Variants in EPC2 observed in about 807,000 individuals in gnomAD.
The protein encoded by EPC2 is enhancer of polycomb 2.
A neutral mutation model predicts 92.1 loss-of-function variants in EPC2; 14 were observed. That is an observed-to-expected ratio of 0.15 (90% CI 0.10 to 0.24). The LOEUF (loss-of-function observed/expected upper bound fraction) is 0.24, where lower values mean the gene tolerates loss of function less well. Among genes scored for constraint, EPC2 ranks in the 10% least tolerant of loss-of-function variants. EPC2 has a pLI of 1.00. For synonymous variants in EPC2, 340 were observed against 334.7 expected (o/e 1.02, Z -0.17); for missense variants, 755 against 971.5 (o/e 0.78, Z 2.96).
intron 3 of EPC2, among the ~76,000 whole-genome samples, chr2:148,749,456 T>G (rs1683045915): frequency 6.6e-6 from 1 of 151,818 alleles, no homozygotes; most frequent in Non-Finnish European, 1.5e-5. Flanking sequence ...CGCCTAAAAC[T>G]CAATATAATA....
rs1681555720 is a variant in EPC2, at chr2:148,687,698, TG to T, written c.154-2513del. Reference sequence around the variant, plus strand: ...GGATCTGACAAAACGATGCTGCTTGTGGGAGTCCCAATAGCTGCCCTGGCTT... The same window carrying T: ...GGATCTGACAAAACGATGCTGCTTGTGGAGTCCCAATAGCTGCCCTGGCTT... On this transcript the variant is annotated intron_variant, in intron 1 of 13. Coordinates refer to ENST00000258484, the MANE Select transcript of EPC2 (RefSeq NM_015630.4). Among the ~76,000 whole-genome samples the T allele has an allele frequency of 2.0e-5, 3 of 152,210 alleles. No homozygotes were observed. In the South Asian group the frequency reaches 6.2e-4, roughly 32 times the overall value.
chr2:148,738,179 G>A (rs971463696), intron 2 of EPC2, among the ~76,000 whole-genome samples: 3 of 152,196 alleles, frequency 2.0e-5, no homozygotes. Flanking sequence ...ATGGGATTTT[G>A]AGATAAGTAT....
intron 1 of EPC2, among the ~76,000 whole-genome samples, chr2:148,683,272 ATT>A (rs201642199): frequency 7.1e-6 from 1 of 139,874 alleles, no homozygotes; most frequent in Non-Finnish European, 1.6e-5. Context: ...CCATTATATC[ATT>A]TTTTTTTTTT....
chr2:148,708,231 C>T (rs1327809013), intron 2 of EPC2, among the ~76,000 whole-genome samples: 5 of 152,168 alleles, frequency 3.3e-5, no homozygotes, highest in African/African-American at 1.2e-4. Flanking sequence ...CACAAATAAA[C>T]TAGAAAATCT....
intron 4 of EPC2, among the ~76,000 whole-genome samples, chr2:148,756,815 T>G (rs1439829444): frequency 6.6e-6 from 1 of 152,222 alleles, no homozygotes; most frequent in African/African-American, 2.4e-5. Flanking sequence ...TTCTAGCTGC[T>G]CTACATAACA....
intron 1 of EPC2, among the ~76,000 whole-genome samples, chr2:148,685,426 T>C (rs1558808928): frequency 6.6e-6 from 1 of 152,196 alleles, no homozygotes; most frequent in Admixed American, 6.5e-5. Context: ...TAACACTAAA[T>C]AAAGCAAGTT....
At chr2:148,689,332 AC>A (rs1168061783) in intron 1 of EPC2, among the ~76,000 whole-genome samples, 1 of 152,038 alleles carries the variant, frequency 6.6e-6, no homozygotes, top group Non-Finnish European at 1.5e-5. Context: ...ACCCGCCACT[AC>A]GCCCGGCTAA....
intron 7 of EPC2, among the ~76,000 whole-genome samples, chr2:148,765,715 G>A (rs1396203318): frequency 6.6e-6 from 1 of 152,156 alleles, no homozygotes; most frequent in Admixed American, 6.5e-5. Flanking sequence ...TATAAGTGCT[G>A]TTTTTAAAAT....
At chr2:148,702,347 C>G (rs2105378162) in intron 2 of EPC2, among the ~76,000 whole-genome samples, 1 of 152,232 alleles carries the variant, frequency 6.6e-6, no homozygotes, top group Admixed American at 6.5e-5. Flanking sequence ...TTTTCTCTCT[C>G]TGTTTCATTT....
At chr2:148,705,830 A>G (rs1387654035) in intron 2 of EPC2, among the ~76,000 whole-genome samples, 1 of 152,170 alleles carries the variant, frequency 6.6e-6, no homozygotes, top group Non-Finnish European at 1.5e-5. Flanking sequence ...ATCCACACCA[A>G]AACCTCATCT....
At chr2:148,727,527 G>C (rs572316497) in intron 2 of EPC2, among the ~76,000 whole-genome samples, 2 of 152,146 alleles carry the variant, frequency 1.3e-5, no homozygotes, top group Non-Finnish European at 2.9e-5. Flanking sequence ...CACTTTCTAT[G>C]ACATATTTAT....
chr2:148,669,063 A>G (rs1681106120), intron 1 of EPC2, among the ~76,000 whole-genome samples: 1 of 152,086 alleles, frequency 6.6e-6, no homozygotes, highest in South Asian at 2.1e-4. Context: ...CATTTAGTTC[A>G]AAATAGTTTC....
chr2:148,656,137 A>G (rs186196979), intron 1 of EPC2, among the ~76,000 whole-genome samples: 1 of 151,638 alleles, frequency 6.6e-6, no homozygotes, highest in Admixed American at 6.6e-5. Flanking sequence ...TGTGATCCTA[A>G]AGTTAGCTTT....
chr2:148,685,930 C>T (rs1482549789), intron 1 of EPC2, among the ~76,000 whole-genome samples: 1 of 152,134 alleles, frequency 6.6e-6, no homozygotes, highest in African/African-American at 2.4e-5. Context: ...TATTCACAAT[C>T]TTTTTACTGT....
intron 2 of EPC2, among the ~76,000 whole-genome samples, chr2:148,737,201 A>G (rs142903824): frequency 1.1e-3 from 167 of 152,334 alleles, no homozygotes; most frequent in Non-Finnish European, 4.1e-4. Context: ...GTCACTTTAC[A>G]GTATCTTAAA....
At chr2:148,714,205 T>G (rs1682213268) in intron 2 of EPC2, among the ~76,000 whole-genome samples, 2 of 152,148 alleles carry the variant, frequency 1.3e-5, no homozygotes, top group Admixed American at 6.6e-5. Context: ...GGATAATGGC[T>G]TCCAGCTCCA....
Position 148,769,138 on chromosome 2 carries a change from C to T in EPC2, c.1141-13C>T, listed in dbSNP as rs781092764. On this transcript the variant is annotated splice_polypyrimidine_tract_variant and intron_variant, in intron 7 of 13. Transcript: ENST00000258484. ...TTTTGATAACTTCTAAATGGAATGC[C>T]TCTTTTGTCTAGGTATTGTCCCCAG... 1.3e-6 allele frequency: 2 copies of T among 1,590,108 alleles called. No homozygotes were observed. The highest frequency in any genetic ancestry group is 1.7e-4 in the Middle Eastern group (1 of 6,022).
chr2:148,710,151 GA>G (rs1367865387), intron 2 of EPC2, among the ~76,000 whole-genome samples: 1 of 152,086 alleles, frequency 6.6e-6, no homozygotes, highest in East Asian at 1.9e-4. Flanking sequence ...AAATTTGCAA[GA>G]AAAAAATCAA....
intron 2 of EPC2, among the ~76,000 whole-genome samples, chr2:148,712,428 C>T (rs1415162990): frequency 6.9e-6 from 1 of 144,276 alleles, no homozygotes; most frequent in Non-Finnish European, 1.6e-5. Flanking sequence ...GACACACACA[C>T]AGACAATGTG....
Sources: gnomAD v4.1 joint callset for allele counts (sites outside exome capture counted in the v4.1 genomes callset) on GRCh38, gnomAD v4.1.1 for gene constraint, MANE v1.5 for transcripts, NCBI Gene and HGNC (gene_info 2026-07-23, HGNC 2026-07-21) for gene names.